Variants in EPHA5 observed in about 807,000 individuals in gnomAD.
EPHA5 encodes ephrin type-A receptor 5.
Under a neutral mutation model 105.0 loss-of-function variants are expected in EPHA5, and 60 were observed. The ratio of observed to expected loss-of-function variants is 0.57; its 90% CI spans 0.46 to 0.71. EPHA5 has a LOEUF of 0.71. EPHA5 is among the 30% of genes least tolerant of loss of function. EPHA5 has a pLI of 0.00. For missense variants in EPHA5, 1,218 were observed against 1,274.7 expected (o/e 0.96, Z 0.68); for synonymous variants, 513 against 449.1 (o/e 1.14, Z -1.80).
At chr4:65,605,210 C>T (rs184490352) in intron 2 of EPHA5, among the ~76,000 whole-genome samples, 5 of 152,264 alleles carry the variant, frequency 3.3e-5, no homozygotes, top group South Asian at 4.1e-4. Context: ...AGGTCAGTTG[C>T]GTTCTAAACC....
At chr4:65,362,305 G>C (rs1717410401) in intron 11 of EPHA5, among the ~76,000 whole-genome samples, 1 of 151,618 alleles carries the variant, frequency 6.6e-6, no homozygotes, top group Non-Finnish European at 1.5e-5. Flanking sequence ...CATTATCTGT[G>C]TGCTGCTGGT....
At chr4:65,541,773 C>CA (rs1213105819) in intron 3 of EPHA5, among the ~76,000 whole-genome samples, 1 of 151,938 alleles carries the variant, frequency 6.6e-6, no homozygotes, top group East Asian at 1.9e-4. Flanking sequence ...CCCTCCACCC[C>CA]AAAGCAACAG....
intron 3 of EPHA5, among the ~76,000 whole-genome samples, chr4:65,525,388 A>G (rs1578334859): frequency 6.6e-6 from 1 of 151,984 alleles, no homozygotes; most frequent in East Asian, 1.9e-4. Flanking sequence ...TTTAAATTTT[A>G]TCATGAATCT....
chr4:65,612,067 A>C (rs1021573290), intron 2 of EPHA5, among the ~76,000 whole-genome samples: 1 of 150,534 alleles, frequency 6.6e-6, no homozygotes, highest in Non-Finnish European at 1.5e-5. Flanking sequence ...AAAGAAAAGA[A>C]AAGAAATTGA....
intron 8 of EPHA5, among the ~76,000 whole-genome samples, chr4:65,398,784 G>A (rs1257160447): frequency 6.6e-6 from 1 of 152,092 alleles, no homozygotes; most frequent in Non-Finnish European, 1.5e-5. Flanking sequence ...CACACTCTGG[G>A]TCTCCTCTCC....
intron 8 of EPHA5, among the ~76,000 whole-genome samples, chr4:65,381,032 G>C (rs1393430814): frequency 6.6e-6 from 1 of 151,662 alleles, no homozygotes; most frequent in African/African-American, 2.4e-5. Flanking sequence ...TTGCTTTGAA[G>C]AATGAGTTTG....
At chr4:65,492,888 C>A (rs1021161292) in intron 4 of EPHA5, among the ~76,000 whole-genome samples, 1 of 151,658 alleles carries the variant, frequency 6.6e-6, no homozygotes, top group African/African-American at 2.4e-5. Flanking sequence ...TTTAATAGTA[C>A]AAAGTTATAG....
At chr4:65,398,621 C>G (rs1721496514) in intron 8 of EPHA5, among the ~76,000 whole-genome samples, 1 of 152,160 alleles carries the variant, frequency 6.6e-6, no homozygotes, top group South Asian at 2.1e-4. Flanking sequence ...TCAACACACA[C>G]TTTCTTCCTT....
chr4:65,483,102 CAT>C (rs1251176544), intron 5 of EPHA5, among the ~76,000 whole-genome samples: 2 of 152,072 alleles, frequency 1.3e-5, no homozygotes, highest in African/African-American at 4.8e-5. Context: ...TGAGTGAGAA[CAT>C]GTGGTGTTTG....
rs142072263 is a variant in EPHA5 at position 65,364,639 on chromosome 4, G to C, written c.2173+378C>G. 5.9e-4 allele frequency among the ~76,000 whole-genome samples: 89 copies of C among 151,434 alleles called. 1 individual carries two copies. The highest frequency in any genetic ancestry group is 2.1e-3 in the African/African-American group (87 of 41,416). On this transcript the variant is annotated intron_variant, in intron 11 of 16. Transcript: ENST00000613740. ...CTGCTTAAAAGGTGGCATTGCTATG[G>C]TTATAGTAATCCTATTGAATGTTAA...
chr4:65,434,333 C>A (rs1725274926), intron 5 of EPHA5, among the ~76,000 whole-genome samples: 2 of 152,026 alleles, frequency 1.3e-5, no homozygotes, highest in African/African-American at 4.8e-5. Flanking sequence ...CATCATTATT[C>A]AGCCTACCAC....
At chr4:65,370,330 C>A (rs933427767) in intron 8 of EPHA5, among the ~76,000 whole-genome samples, 2 of 152,052 alleles carry the variant, frequency 1.3e-5, no homozygotes, top group Non-Finnish European at 2.9e-5. Context: ...TTCTTTTAGC[C>A]TTTAATATAT....
intron 5 of EPHA5, among the ~76,000 whole-genome samples, chr4:65,439,684 G>T (rs1030358540): frequency 6.6e-6 from 1 of 152,074 alleles, no homozygotes; most frequent in African/African-American, 2.4e-5. Flanking sequence ...TTAGGAGTTT[G>T]AACTGAGAAT....
intron 8 of EPHA5, among the ~76,000 whole-genome samples, chr4:65,368,874 A>G (rs1369831826): frequency 6.6e-6 from 1 of 152,140 alleles, no homozygotes; most frequent in Admixed American, 6.5e-5. Context: ...TGGTTCCTTC[A>G]CTGAGGATTT....
intron 3 of EPHA5, among the ~76,000 whole-genome samples, chr4:65,521,282 C>G (rs577254803): frequency 6.6e-6 from 1 of 151,984 alleles, no homozygotes; most frequent in African/African-American, 2.4e-5. Flanking sequence ...GGACAAAAAA[C>G]CAAACACAGC....
intron 3 of EPHA5, among the ~76,000 whole-genome samples, chr4:65,560,255 G>A (rs1044791430): frequency 3.3e-5 from 5 of 152,046 alleles, no homozygotes; most frequent in Non-Finnish European, 7.4e-5. Flanking sequence ...AATTTCTGAA[G>A]GAAAATTGAC....
chr4:65,440,537 G>A (rs1725914545), intron 5 of EPHA5, among the ~76,000 whole-genome samples: 1 of 69,432 alleles, frequency 1.4e-5, no homozygotes, highest in South Asian at 5.5e-4. Context: ...CACACACAGA[G>A]GGAGGAATTT....
At chr4:65,341,523 T>C (rs1203928636) in intron 14 of EPHA5, among the ~76,000 whole-genome samples, 7 of 151,156 alleles carry the variant, frequency 4.6e-5, no homozygotes, top group African/African-American at 1.7e-4. Context: ...AATGCCACCC[T>C]ATAGAATCAT....
intron 5 of EPHA5, among the ~76,000 whole-genome samples, chr4:65,431,372 C>A (rs910911012): frequency 5.3e-5 from 8 of 152,036 alleles, no homozygotes; most frequent in African/African-American, 1.7e-4. Context: ...AACTTTGATA[C>A]TTCACGATTA....
Sources: allele counts gnomAD v4.1 joint callset (sites outside exome capture counted in the v4.1 genomes callset), GRCh38; gene constraint gnomAD v4.1.1; transcripts MANE v1.5; gene names NCBI Gene and HGNC (gene_info 2026-07-23, HGNC 2026-07-21).